Variants in MRPS35 observed in about 807,000 individuals in gnomAD.
MRPS35 encodes the protein mitochondrial ribosomal protein S35.
MRPS35 carries 29 observed loss-of-function variants against 32.7 expected under a neutral mutation model. That is an observed-to-expected ratio of 0.89 (90% confidence interval 0.66 to 1.21). MRPS35 has a LOEUF of 1.21. Ranked by LOEUF, MRPS35 falls within the 50% of genes most tolerant of loss-of-function variation. The pLI, the probability that MRPS35 is intolerant of heterozygous loss-of-function variation, is 0.00. For missense variants in MRPS35, 373 were observed against 383.8 expected (o/e 0.97, Z 0.23); for synonymous variants, 148 against 139.3 (o/e 1.06, Z -0.44).
chr12:27,720,369 G>A (rs1165159640), intron 4 of MRPS35, among the ~76,000 whole-genome samples: 1 of 150,264 alleles, frequency 6.7e-6, no homozygotes. Context: ...ACTCCAGCCT[G>A]GGCAACAAGA....
intron 5 of MRPS35, among the ~76,000 whole-genome samples, chr12:27,730,103 C>T (rs774595235): frequency 7.2e-5 from 11 of 152,198 alleles, no homozygotes; most frequent in Non-Finnish European, 1.2e-4. Context: ...GTACGTTTGT[C>T]ACAACTAGTG....
intron 7 of MRPS35, among the ~76,000 whole-genome samples, chr12:27,738,807 AAAGT>A (rs1342757627): frequency 2.0e-5 from 3 of 152,152 alleles, no homozygotes; most frequent in African/African-American, 7.2e-5. Context: ...AGAAAAAATA[AAAGT>A]TTTCATATGG....
chr12:27,719,751 C>G (rs980474312), intron 3 of MRPS35, 57 bp from the exon 4 acceptor site: 34 of 1,064,490 alleles, frequency 3.2e-5, no homozygotes, highest in Non-Finnish European at 4.8e-5. Context: ...AGAAGATTAT[C>G]TTTTTCATGT....
At chr12:27,735,683 G>C (rs2061940860) in intron 6 of MRPS35, 127 bp downstream of exon 6, 1 of 683,144 alleles carries the variant, frequency 1.5e-6, no homozygotes, top group Non-Finnish European at 2.5e-6. Flanking sequence ...TTATTAAGCA[G>C]AGTTCTCTAA....
intron 7 of MRPS35, among the ~76,000 whole-genome samples, chr12:27,739,049 A>G (rs112661137): frequency 3.3e-4 from 50 of 152,096 alleles, no homozygotes; most frequent in African/African-American, 1.1e-3. Flanking sequence ...GGCATGCACC[A>G]CTACCGCCTG....
At chr12:27,753,538 G>A (rs1325321735) in intron 7 of MRPS35, among the ~76,000 whole-genome samples, 1 of 152,154 alleles carries the variant, frequency 6.6e-6, no homozygotes, top group African/African-American at 2.4e-5. Context: ...GAGCCTTGGA[G>A]CTGTCTACTC....
In MRPS35 at chr12:27,719,902, T is replaced by A. The variant is rs755870712; in HGVS notation, c.382+34T>A. ...TTATTTTCTTATATGAATTTTATATTGACTTTGAACATAAATTTAAGAATC... is the reference window on the plus strand; with the variant it reads ...TTATTTTCTTATATGAATTTTATATAGACTTTGAACATAAATTTAAGAATC... On this transcript the variant is annotated intron_variant, in intron 4 of 7. Coordinates refer to ENST00000081029, the MANE Select transcript of MRPS35 (RefSeq NM_021821.4). 7.8e-6 allele frequency: 11 copies of A among 1,418,404 alleles called. 1 individual carries two copies. In the South Asian group the frequency reaches 1.2e-4, roughly 15 times the overall value. The allele number at this position is 1,418,404 out of a possible 1,614,324, so 87.9% of individuals were successfully genotyped here.
intron 7 of MRPS35, among the ~76,000 whole-genome samples, chr12:27,741,175 AAATAAT>A (rs1020305165): frequency 1.3e-5 from 2 of 152,056 alleles, no homozygotes; most frequent in Admixed American, 6.6e-5. Context: ...CTCAAAAAAA[AAATAAT>A]AATAATAATT....
At chr12:27,739,037 C>T (rs1417602238) in intron 7 of MRPS35, among the ~76,000 whole-genome samples, 1 of 151,930 alleles carries the variant, frequency 6.6e-6, no homozygotes, top group Non-Finnish European at 1.5e-5. Context: ...GCCAGGATTA[C>T]AGGCATGCAC....
At position 27,710,955 on chromosome 12, in the gene MRPS35, CGTGA is replaced by C. The variant is rs775111448; in HGVS notation, c.112+4_112+7del. The C allele has an allele frequency of 1.2e-6, 2 of 1,610,440 alleles. No homozygotes were observed. The highest frequency in any genetic ancestry group is 4.5e-5 in the East Asian group (2 of 44,828). ...CACTCCGGTCCCGACACCTAGCCTGCGTGAGTGTCTGTCTCGTCTTCTCTGGGCT... is the reference window on the plus strand; with the variant it reads ...CACTCCGGTCCCGACACCTAGCCTGCGTGTCTGTCTCGTCTTCTCTGGGCT... On this transcript the variant is annotated splice_donor_variant and splice_donor_region_variant and intron_variant, in intron 1 of 7. Transcript: ENST00000081029. LOFTEE classifies it high-confidence loss of function.
chr12:27,724,731 A>G (rs11049110), intron 5 of MRPS35, among the ~76,000 whole-genome samples: 18,257 of 151,928 alleles, frequency 0.12, 1,371 homozygotes, highest in East Asian at 0.18. Context: ...TGACAGAGCG[A>G]GATTCCATCT....
intron 1 of MRPS35, 135 bp from the exon 2 acceptor site, chr12:27,714,634 CAAAAAAAAAAA>C (rs531429538): frequency 3.0e-6 from 1 of 328,758 alleles, no homozygotes; most frequent in African/African-American, 4.5e-5. Flanking sequence ...CTGAGCTTAC[CAAAAAAAAAAA>C]AAAAAAGATT....
In MRPS35 at chr12:27,722,560, G is replaced by A. The variant is rs542114958; in HGVS notation, c.383-1487G>A. Among the ~76,000 whole-genome samples, 140 of 151,868 alleles carry A rather than the reference G, an allele frequency of 9.2e-4. 1 individual carries two copies. The highest frequency in any genetic ancestry group is 2.9e-3 in the African/African-American group (121 of 41,386). On this transcript the variant is annotated intron_variant, in intron 4 of 7. Coordinates refer to ENST00000081029, the MANE Select transcript of MRPS35 (RefSeq NM_021821.4). Reference sequence around the variant, plus strand: ...AAAAAGAGTCAGTGCAAACCCAAGAGCTCACAAAATTCCCCAAACTAGTCT... The same window carrying A: ...AAAAAGAGTCAGTGCAAACCCAAGAACTCACAAAATTCCCCAAACTAGTCT...
rs1326354414 is a variant in MRPS35, at chr12:27,756,167, C to G, written c.*717C>G. ...ATTGGAGTAAGTGACAAAATAAGAA[C>G]TACCCTGGGAAACCCTGCATTCAAT... is the stretch of plus-strand genomic sequence containing the variant. On this transcript the variant is annotated 3_prime_UTR_variant, in exon 8 of 8. Coordinates refer to ENST00000081029, the MANE Select transcript of MRPS35 (RefSeq NM_021821.4). The G allele has an allele frequency of 6.6e-6, 1 of 152,190 alleles. No homozygotes were observed. The highest frequency in any genetic ancestry group is 2.4e-5 in the African/African-American group (1 of 41,436). The allele number at this position is 152,190 out of a possible 1,614,324, so 9.4% of individuals were successfully genotyped here. A position where few individuals can be genotyped will look rare whatever the true frequency, so the allele number is the denominator to read the frequency against.
At chr12:27,755,086 GA>G (rs71438704) in intron 7 of MRPS35, 94 bp from the exon 8 acceptor site, 33,023 of 1,064,640 alleles carry the variant, frequency 0.031, 58 homozygotes, top group African/African-American at 0.062. Flanking sequence ...AAAAAGGAAG[GA>G]AAAAAAAAAA....
chr12:27,748,261 C>T (rs1360891940), intron 7 of MRPS35, among the ~76,000 whole-genome samples: 1 of 152,104 alleles, frequency 6.6e-6, no homozygotes, highest in Non-Finnish European at 1.5e-5. Flanking sequence ...TGAATGTTCC[C>T]AGAGAACACT....
At chr12:27,725,695 T>G in intron 5 of MRPS35, 1 of 158,676 alleles carries the variant, frequency 6.3e-6, no homozygotes, top group East Asian at 1.8e-4. Flanking sequence ...TATTTAAAAT[T>G]TGTATGTCTT....
At chr12:27,728,243 CT>C (rs1328521337) in intron 5 of MRPS35, among the ~76,000 whole-genome samples, 4 of 152,000 alleles carry the variant, frequency 2.6e-5, no homozygotes, top group African/African-American at 9.7e-5. Context: ...TATCTTTTAA[CT>C]TTTCATTTGG....
At chr12:27,735,610 C>A in intron 6 of MRPS35, 54 bp downstream of exon 6, 4 of 1,308,680 alleles carry the variant, frequency 3.1e-6, no homozygotes, top group Middle Eastern at 1.8e-4. Flanking sequence ...CATTGTCCTC[C>A]AATTCCTTGG....
Sources: gnomAD v4.1 joint callset for allele counts (sites outside exome capture counted in the v4.1 genomes callset) on GRCh38, gnomAD v4.1.1 for gene constraint, MANE v1.5 for transcripts, NCBI Gene and HGNC (gene_info 2026-07-23, HGNC 2026-07-21) for gene names.